Variants in IDO2 observed in about 807,000 individuals in gnomAD.
The protein encoded by IDO2 is indoleamine 2,3-dioxygenase 2, also known as indoleamine 2,3-dioxygenase-like 1 protein.
Under a neutral mutation model 45.1 loss-of-function variants are expected in IDO2, and 46 were observed. That is an observed-to-expected ratio of 1.02 (90% CI 0.80 to 1.30). IDO2 has a LOEUF of 1.30. Ranked by LOEUF, IDO2 falls within the 50% of genes most tolerant of loss-of-function variation. The probability of loss-of-function intolerance (pLI) is 0.00; values close to 1 mark genes in which losing one functional copy is unlikely to be tolerated. For missense variants in IDO2, 544 were observed against 491.8 expected, an observed-to-expected ratio of 1.11 and a Z score of -1.00; for synonymous variants, 218 against 184.9, an observed-to-expected ratio of 1.18 and a Z score of -1.45.
exon 7 of IDO2, chr8:39,987,952 A>G: frequency 6.2e-7 from 1 of 1,606,574 alleles, no homozygotes; most frequent in Non-Finnish European, 8.5e-7. Context: ...TAGAGAAAGA[A>G]GCAGTGCCTG....
At chr8:39,966,879 G>T (rs1487454010) in intron 3 of IDO2, among the ~76,000 whole-genome samples, 1 of 152,132 alleles carries the variant, frequency 6.6e-6, no homozygotes, top group Non-Finnish European at 1.5e-5. Context: ...GAAGAGGGTA[G>T]CCCACTTGGC....
chr8:39,986,692 A>AGAT (rs1449216958), intron 6 of IDO2, among the ~76,000 whole-genome samples: 2 of 148,810 alleles, frequency 1.3e-5, no homozygotes, highest in Admixed American at 6.6e-5. Flanking sequence ...ATAGATAGAT[A>AGAT]GATAGATAGA....
chr8:39,999,955 T>G (rs1471524608), intron 8 of IDO2, among the ~76,000 whole-genome samples: 1 of 152,200 alleles, frequency 6.6e-6, no homozygotes, highest in Non-Finnish European at 1.5e-5. Flanking sequence ...GAAAGCATAC[T>G]TCTCATTAGA....
intron 2 of IDO2, among the ~76,000 whole-genome samples, chr8:39,960,397 G>C (rs73619578): frequency 6.8e-4 from 103 of 152,190 alleles, no homozygotes; most frequent in African/African-American, 2.4e-3. Context: ...CCAGTCCTTT[G>C]CTCCTTCTGC....
Position 39,949,027 on chromosome 8 carries a change from A to C in IDO2, c.-17-122A>C, listed in dbSNP as rs138886694. 3.0e-5 allele frequency: 39 copies of C among 1,281,858 alleles called. No individual in the cohort carries two copies. The East Asian group carries it at 8.5e-4, about 28-fold the overall frequency. The allele number at this position is 1,281,858 out of a possible 1,614,324, so 79.4% of individuals were successfully genotyped here. On this transcript the variant is annotated intron_variant, in intron 1 of 10. Coordinates refer to ENST00000502986, the Ensembl canonical transcript of IDO2. ...AAAGTCCATGATGATCTGGAATTCA[A>C]CCTCAGGGAAAAGTTCTCTCCTGTG...
intron 2 of IDO2, among the ~76,000 whole-genome samples, chr8:39,956,021 C>T (rs1183842272): frequency 1.4e-5 from 2 of 146,982 alleles, no homozygotes; most frequent in African/African-American, 5.0e-5. Context: ...AAGGATTAAT[C>T]TTTAGGTTAC....
At chr8:39,981,951 C>G (rs768152432) in intron 4 of IDO2, among the ~76,000 whole-genome samples, 4 of 152,042 alleles carry the variant, frequency 2.6e-5, no homozygotes, top group Non-Finnish European at 5.9e-5. Context: ...CCTGTGGTGG[C>G]TTACTTGAAG....
chr8:39,987,866 C>T lies in IDO2; in HGVS notation c.450-5C>T. 7 of 1,585,752 alleles carry T rather than the reference C, an allele frequency of 4.4e-6. No individual in the cohort carries two copies. The highest frequency in any genetic ancestry group is 6.0e-6 in the Non-Finnish European group (7 of 1,158,574). On this transcript the variant is annotated splice_region_variant and splice_polypyrimidine_tract_variant and intron_variant, in intron 6 of 10. Transcript: ENST00000502986. ...CTCTAATCATGTGCTCCTCTCCTTC[C>T]CAAGGAACCTGGAGACCATCATCTC...
chr8:39,986,696 A>AGAT (rs1191558600), intron 6 of IDO2, among the ~76,000 whole-genome samples: 2 of 151,646 alleles, frequency 1.3e-5, no homozygotes, highest in African/African-American at 4.8e-5. Context: ...ATAGATAGAT[A>AGAT]GATAGATAGA....
At position 40,015,257 on chromosome 8, in the gene IDO2, G is replaced by C. The variant is rs757782327; in HGVS notation, c.879G>C (p.Leu293=). ...TATTGTTTCTTTCAGGTGACTTTCT[G>C]TACAGAATGAGGGATTACATGCCTC... The change falls in exon 11 of 11, where the codon CTG becomes CTC. Residue 293 remains leucine, a synonymous_variant. Transcript: ENST00000502986. 14 of 1,599,746 alleles carry C rather than the reference G, an allele frequency of 8.8e-6. No individual in the cohort carries two copies. The African/African-American group carries it at 1.5e-4, about 17-fold the overall frequency.
intron 2 of IDO2, among the ~76,000 whole-genome samples, chr8:39,950,406 C>T (rs573774282): frequency 3.2e-4 from 49 of 152,236 alleles, no homozygotes; most frequent in Non-Finnish European, 6.0e-4. Context: ...GTGGCACATG[C>T]CTGTAGTTCC....
At chr8:40,004,521 C>CAGATGAT (rs144903874) in intron 8 of IDO2, among the ~76,000 whole-genome samples, 6,670 of 112,690 alleles carry the variant, frequency 0.059, 220 homozygotes, top group Non-Finnish European at 0.085. Context: ...ATTAGACAGA[C>CAGATGAT]AGATGATAGA....
At chr8:39,961,177 T>G (rs897533213) in intron 2 of IDO2, among the ~76,000 whole-genome samples, 1 of 152,222 alleles carries the variant, frequency 6.6e-6, no homozygotes, top group Non-Finnish European at 1.5e-5. Flanking sequence ...AGTTCCTCTA[T>G]CTGCCTTGTG....
chr8:40,004,467 T>A (rs1214904425), intron 8 of IDO2, among the ~76,000 whole-genome samples: 1 of 152,150 alleles, frequency 6.6e-6, no homozygotes. Flanking sequence ...AGATAGATGA[T>A]AAATAGATGT....
chr8:39,978,843 G>C (rs2129594361), intron 3 of IDO2, among the ~76,000 whole-genome samples: 1 of 152,248 alleles, frequency 6.6e-6, no homozygotes, highest in East Asian at 1.9e-4. Flanking sequence ...CGGGTGGGCG[G>C]TTAGGTTCTT....
At chr8:39,942,901 C>T (rs1389721930) in intron 1 of IDO2, among the ~76,000 whole-genome samples, 1 of 152,000 alleles carries the variant, frequency 6.6e-6, no homozygotes, top group Non-Finnish European at 1.5e-5. Flanking sequence ...ATGAAAAAAA[C>T]CACATGACTA....
At chr8:40,014,983 T>A (rs921928613) in intron 10 of IDO2, among the ~76,000 whole-genome samples, 2 of 151,994 alleles carry the variant, frequency 1.3e-5, no homozygotes, top group Non-Finnish European at 2.9e-5. Context: ...AACCCGTCTC[T>A]ACTAAAAGGA....
At chr8:40,003,397 C>T (rs111348573) in intron 8 of IDO2, among the ~76,000 whole-genome samples, 1 of 143,950 alleles carries the variant, frequency 6.9e-6, no homozygotes, top group Non-Finnish European at 1.5e-5. Flanking sequence ...AAAAAGAAAA[C>T]GAGAATATAT....
intron 3 of IDO2, among the ~76,000 whole-genome samples, chr8:39,975,906 A>G (rs1452335405): frequency 2.0e-5 from 3 of 152,242 alleles, no homozygotes; most frequent in Non-Finnish European, 4.4e-5. Context: ...CATAATGGTG[A>G]TGAGAAAAGG....
Sources: gnomAD v4.1 joint callset for allele counts (sites outside exome capture counted in the v4.1 genomes callset) on GRCh38, gnomAD v4.1.1 for gene constraint, MANE v1.5 for transcripts, NCBI Gene and HGNC (gene_info 2026-07-23, HGNC 2026-07-21) for gene names.